Variants in COL21A1 observed in about 807,000 individuals in gnomAD.
The protein encoded by COL21A1 is collagen type XXI alpha 1 chain.
A neutral mutation model predicts 137.9 loss-of-function variants in COL21A1; 149 were observed. The observed-to-expected ratio is 1.08, with a 90% CI of 0.95 to 1.24. The LOEUF (loss-of-function observed/expected upper bound fraction) is 1.24, where lower values mean the gene tolerates loss of function less well. Among genes scored for constraint, COL21A1 ranks in the 50% most tolerant of loss-of-function variants. The pLI, the probability that COL21A1 is intolerant of heterozygous loss-of-function variation, is 0.00. For synonymous variants in COL21A1, 456 were observed against 391.5 expected (o/e 1.16, Z -1.95); for missense variants, 1,167 against 1,158.4 (o/e 1.01, Z -0.11).
chr6:56,297,228 T>C (rs1036602656), intron 1 of COL21A1, among the ~76,000 whole-genome samples: 8 of 152,260 alleles, frequency 5.3e-5, no homozygotes, highest in African/African-American at 1.9e-4. Flanking sequence ...TTACTCAGCA[T>C]GAATAAAAGC....
At chr6:56,380,870 A>G (rs2094007597) in intron 1 of COL21A1, among the ~76,000 whole-genome samples, 1 of 152,210 alleles carries the variant, frequency 6.6e-6, no homozygotes, top group Non-Finnish European at 1.5e-5. Context: ...GTTGGCCATG[A>G]GTTCAATGTT....
In COL21A1 at chr6:56,205,119, G is replaced by A. The variant is rs181594881; in HGVS notation, c.-38-22463C>T. On this transcript the variant is annotated intron_variant, in intron 1 of 29. Transcript: ENST00000244728. Reference sequence around the variant, plus strand: ...AACTCGCTAGCAAGGGAACAAAACAGTACAGAGAATGAGTTTGACAAATTG... The same window carrying A: ...AACTCGCTAGCAAGGGAACAAAACAATACAGAGAATGAGTTTGACAAATTG... 3.3e-4 allele frequency among the ~76,000 whole-genome samples: 50 copies of A among 152,252 alleles called. No homozygotes were observed. In the East Asian group the frequency reaches 5.4e-3, roughly 16 times the overall value.
At chr6:56,211,753 C>T (rs1026677610) in intron 1 of COL21A1, among the ~76,000 whole-genome samples, 25 of 151,972 alleles carry the variant, frequency 1.6e-4, no homozygotes, top group African/African-American at 4.6e-4. Context: ...TCTAAAAATT[C>T]AAACTACTTA....
At chr6:56,236,074 C>T (rs1440796162) in intron 1 of COL21A1, among the ~76,000 whole-genome samples, 2 of 151,958 alleles carry the variant, frequency 1.3e-5, no homozygotes, top group Non-Finnish European at 2.9e-5. Context: ...CGGCTACATC[C>T]TTTCTATTAA....
At chr6:56,387,480 G>C (rs192469051) in intron 1 of COL21A1, among the ~76,000 whole-genome samples, 17 of 152,286 alleles carry the variant, frequency 1.1e-4, no homozygotes, top group Admixed American at 6.5e-4. Context: ...AGCAATCATA[G>C]TACCTGGTTT....
intron 1 of COL21A1, among the ~76,000 whole-genome samples, chr6:56,337,306 A>G (rs7739763): frequency 0.16 from 25,074 of 152,152 alleles, 2,945 homozygotes; most frequent in African/African-American, 0.33. Flanking sequence ...AAGGCCTGCA[A>G]TGTTCTAAGA....
At chr6:56,252,876 G>A (rs1475444072) in intron 1 of COL21A1, among the ~76,000 whole-genome samples, 1 of 152,182 alleles carries the variant, frequency 6.6e-6, no homozygotes, top group Non-Finnish European at 1.5e-5. Context: ...CCATTTCCCT[G>A]GGGCTTTTTA....
intron 1 of COL21A1, among the ~76,000 whole-genome samples, chr6:56,243,761 A>G (rs1158416839): frequency 3.9e-5 from 6 of 152,176 alleles, no homozygotes; most frequent in African/African-American, 1.2e-4. Flanking sequence ...AAACAACTAG[A>G]AAGTAATGAG....
chr6:56,128,650 G>C (rs1582432452), intron 12 of COL21A1, among the ~76,000 whole-genome samples: 1 of 152,138 alleles, frequency 6.6e-6, no homozygotes, highest in East Asian at 1.9e-4. Context: ...AATTCCCATT[G>C]TTTTTGTTCT....
At chr6:56,169,593 T>G (rs1334291674) in intron 5 of COL21A1, among the ~76,000 whole-genome samples, 1 of 151,980 alleles carries the variant, frequency 6.6e-6, no homozygotes, top group Non-Finnish European at 1.5e-5. Flanking sequence ...ATAAAAACCC[T>G]GCATTTTATT....
At chr6:56,093,864 G>A (rs556930005) in intron 17 of COL21A1, among the ~76,000 whole-genome samples, 13 of 152,180 alleles carry the variant, frequency 8.5e-5, no homozygotes, top group African/African-American at 2.4e-4. Flanking sequence ...TCCTCCCCAG[G>A]TTTTTCCTGG....
At chr6:56,369,373 T>A (rs1300221927) in intron 1 of COL21A1, among the ~76,000 whole-genome samples, 1 of 151,316 alleles carries the variant, frequency 6.6e-6, no homozygotes, top group African/African-American at 2.4e-5. Flanking sequence ...ATCCTACATA[T>A]CACACAGCAA....
At chr6:56,306,632 C>T (rs1764464767) in intron 1 of COL21A1, among the ~76,000 whole-genome samples, 1 of 152,130 alleles carries the variant, frequency 6.6e-6, no homozygotes, top group Non-Finnish European at 1.5e-5. Context: ...AGCCATTTAT[C>T]TAATTTTTTT....
At chr6:56,232,692 T>G (rs1020403723) in intron 1 of COL21A1, among the ~76,000 whole-genome samples, 4 of 151,980 alleles carry the variant, frequency 2.6e-5, no homozygotes, top group Admixed American at 6.6e-5. Context: ...TGTCAGACTT[T>G]ATCCAAAAGG....
At chr6:56,339,736 G>A (rs1765424353) in intron 1 of COL21A1, among the ~76,000 whole-genome samples, 1 of 152,168 alleles carries the variant, frequency 6.6e-6, no homozygotes, top group African/African-American at 2.4e-5. Flanking sequence ...ACCATGAGTG[G>A]AATCTAAACC....
chr6:56,111,529 T>G (rs1771431010), intron 16 of COL21A1, among the ~76,000 whole-genome samples: 1 of 152,162 alleles, frequency 6.6e-6, no homozygotes, highest in Admixed American at 6.5e-5. Context: ...AGGAATTCTC[T>G]ACTATATTTG....
At chr6:56,257,316 T>A (rs1011497251) in intron 1 of COL21A1, among the ~76,000 whole-genome samples, 1 of 152,078 alleles carries the variant, frequency 6.6e-6, no homozygotes, top group Non-Finnish European at 1.5e-5. Context: ...CTGGTGAGAG[T>A]ATAACTTAGT....
chr6:56,349,729 C>T (rs1196980233), intron 1 of COL21A1, among the ~76,000 whole-genome samples: 1 of 152,162 alleles, frequency 6.6e-6, no homozygotes, highest in Non-Finnish European at 1.5e-5. Context: ...TACATTATTG[C>T]TTATACTTGT....
At position 56,197,298 on chromosome 6, in the gene COL21A1, G is replaced by A. The variant is rs546285317; in HGVS notation, c.-38-14642C>T. ...GGAAAAGCTTAATAACACTGGTCTC[G>A]GCAATGACTTTTTGTATTTGACAAC... On this transcript the variant is annotated intron_variant, in intron 1 of 29. Transcript: ENST00000244728. 9.2e-5 allele frequency among the ~76,000 whole-genome samples: 14 copies of A among 152,028 alleles called. No homozygotes were observed. The East Asian group carries it at 1.5e-3, about 17-fold the overall frequency.
Sources: allele counts gnomAD v4.1 joint callset (sites outside exome capture counted in the v4.1 genomes callset), GRCh38; gene constraint gnomAD v4.1.1; transcripts MANE v1.5; gene names NCBI Gene and HGNC (gene_info 2026-07-23, HGNC 2026-07-21).